The following CNTN4 variants were observed in gnomAD, a reference collection of about 807,000 sequenced individuals.
CNTN4 encodes contactin-4.
CNTN4 carries 77 observed loss-of-function variants against 122.5 expected under a neutral mutation model. The ratio of observed to expected loss-of-function variants is 0.63; its 90% CI spans 0.52 to 0.76. The LOEUF is 0.76. CNTN4 is among the 30% of genes least tolerant of loss of function. The pLI is 0.00. For missense variants in CNTN4, 1,256 were observed against 1,259.1 expected (o/e 1.00, Z 0.04); for synonymous variants, 512 against 447.0 (o/e 1.15, Z -1.83).
rs1318948675 is a variant in CNTN4, at chr3:2,309,402, GC to G, written c.-144-29774del. Among the ~76,000 whole-genome samples the G allele has an allele frequency of 3.3e-5, 5 of 152,208 alleles. No homozygotes were observed. The East Asian group carries it at 9.6e-4, about 29-fold the overall frequency. ...TAGTTAGATCATGTGTTTTTTAAAA[GC>G]CAGTGTATAAATATCTACCTTTTAA... On this transcript the variant is annotated intron_variant, in intron 2 of 24. Transcript: ENST00000418658.
chr3:2,184,146 G>T (rs9869895), intron 2 of CNTN4, among the ~76,000 whole-genome samples: 1 of 151,766 alleles, frequency 6.6e-6, no homozygotes, highest in African/African-American at 2.4e-5. Context: ...TAATTTTTAT[G>T]TTATTTTTAT....
chr3:2,670,389 GT>G (rs1225494306), intron 4 of CNTN4, among the ~76,000 whole-genome samples: 1 of 152,094 alleles, frequency 6.6e-6, no homozygotes, highest in African/African-American at 2.4e-5. Flanking sequence ...TTTAAAGTCT[GT>G]TTTATCAGAG....
At chr3:2,683,889 A>G (rs1449322358) in intron 4 of CNTN4, among the ~76,000 whole-genome samples, 1 of 152,112 alleles carries the variant, frequency 6.6e-6, no homozygotes, top group African/African-American at 2.4e-5. Context: ...TCTACCTTAA[A>G]CCTACCAAAA....
chr3:2,970,030 T>C (rs1347165009), intron 13 of CNTN4, among the ~76,000 whole-genome samples: 1 of 152,160 alleles, frequency 6.6e-6, no homozygotes, highest in African/African-American at 2.4e-5. Context: ...AATTCACATA[T>C]AACTTTTGAC....
rs556230759 is a variant in CNTN4 at position 2,268,872 on chromosome 3, A to G, written c.-144-70306A>G. Among the ~76,000 whole-genome samples the G allele has an allele frequency of 2.6e-5, 4 of 152,190 alleles. No individual in the cohort carries two copies. In the East Asian group the frequency reaches 5.8e-4, roughly 22 times the overall value. On this transcript the variant is annotated intron_variant, in intron 2 of 24. Transcript: ENST00000418658. ...TTCACTCTTGAACTCTTGTCTATGG[A>G]GTAAGTAGCCTGGGGGTAGTTTCTC...
chr3:3,044,224 T>A (rs1700415111), intron 23 of CNTN4, among the ~76,000 whole-genome samples: 1 of 152,170 alleles, frequency 6.6e-6, no homozygotes, highest in Non-Finnish European at 1.5e-5. Context: ...GAAAAGAACA[T>A]GTCTGTAGCC....
intron 4 of CNTN4, among the ~76,000 whole-genome samples, chr3:2,611,210 A>G (rs563059114): frequency 6.6e-6 from 1 of 150,926 alleles, no homozygotes; most frequent in East Asian, 1.9e-4. Context: ...CATTCATTAA[A>G]TCATATAGCA....
intron 7 of CNTN4, among the ~76,000 whole-genome samples, chr3:2,823,662 G>A (rs894499006): frequency 2.0e-5 from 3 of 152,118 alleles, no homozygotes; most frequent in African/African-American, 7.2e-5. Flanking sequence ...AGGGTCACTG[G>A]GCACCAGGAA....
At chr3:2,231,498 A>G (rs1195605532) in intron 2 of CNTN4, among the ~76,000 whole-genome samples, 2 of 152,236 alleles carry the variant, frequency 1.3e-5, no homozygotes, top group Admixed American at 6.5e-5. Flanking sequence ...AAGAGCTTCT[A>G]TTCTCAAGAG....
chr3:2,840,566 A>G (rs180939208), intron 7 of CNTN4, among the ~76,000 whole-genome samples: 2,073 of 11,752 alleles, frequency 0.18, 852 homozygotes, highest in Non-Finnish European at 0.44. Context: ...GGGCGCGGTG[A>G]TGGGCGCCTG....
intron 4 of CNTN4, among the ~76,000 whole-genome samples, chr3:2,651,386 G>A (rs1334063643): frequency 6.6e-6 from 1 of 152,114 alleles, no homozygotes; most frequent in Non-Finnish European, 1.5e-5. Context: ...AATAGTGTCA[G>A]TTCACCAAGG....
At chr3:2,205,546 T>G (rs1226324070) in intron 2 of CNTN4, among the ~76,000 whole-genome samples, 1 of 152,076 alleles carries the variant, frequency 6.6e-6, no homozygotes, top group East Asian at 1.9e-4. Context: ...TAAAACCTGC[T>G]CAAGTTCTCA....
intron 2 of CNTN4, among the ~76,000 whole-genome samples, chr3:2,178,881 T>G (rs896209380): frequency 1.3e-5 from 2 of 152,012 alleles, no homozygotes; most frequent in African/African-American, 4.8e-5. Flanking sequence ...CAAAATAGGC[T>G]GTGTATATAT....
intron 2 of CNTN4, among the ~76,000 whole-genome samples, chr3:2,102,190 G>A (rs2032033969): frequency 2.0e-5 from 3 of 152,172 alleles, no homozygotes; most frequent in African/African-American, 7.2e-5. Flanking sequence ...AGTAAATGAG[G>A]GAGGATTGGA....
At chr3:2,495,269 C>G (rs1444904208) in intron 3 of CNTN4, among the ~76,000 whole-genome samples, 1 of 152,212 alleles carries the variant, frequency 6.6e-6, no homozygotes, top group East Asian at 1.9e-4. Flanking sequence ...TTTCCCTTTT[C>G]TAATTTCCCA....
intron 9 of CNTN4, 135 bp from the exon 10 acceptor site, chr3:2,886,905 T>C (rs919472830): frequency 1.3e-5 from 9 of 671,402 alleles, no homozygotes; most frequent in Non-Finnish European, 2.3e-5. Context: ...AAAGTTATAA[T>C]GGAGATAGAG....
At chr3:2,906,602 C>A (rs2094236038) in intron 12 of CNTN4, among the ~76,000 whole-genome samples, 1 of 151,830 alleles carries the variant, frequency 6.6e-6, no homozygotes, top group Non-Finnish European at 1.5e-5. Context: ...CTTTGGGAGG[C>A]CGAGGCAGGC....
intron 13 of CNTN4, among the ~76,000 whole-genome samples, chr3:2,972,376 T>C (rs340804): frequency 0.32 from 48,697 of 151,928 alleles, 7,817 homozygotes; most frequent in African/African-American, 0.35. Flanking sequence ...TTTAATAAAT[T>C]CCCGATATTT....
intron 3 of CNTN4, among the ~76,000 whole-genome samples, chr3:2,538,437 G>C (rs968233191): frequency 6.6e-6 from 1 of 151,866 alleles, no homozygotes; most frequent in East Asian, 1.9e-4. Flanking sequence ...AATGCATTTT[G>C]GATATTCTTC....
Sources: gnomAD v4.1 joint callset for allele counts (sites outside exome capture counted in the v4.1 genomes callset) on GRCh38, gnomAD v4.1.1 for gene constraint, MANE v1.5 for transcripts, NCBI Gene and HGNC (gene_info 2026-07-23, HGNC 2026-07-21) for gene names.